Variants in DPP6 observed in about 807,000 individuals in gnomAD.
DPP6 encodes dipeptidyl peptidase like 6.
A neutral mutation model predicts 122.6 loss-of-function variants in DPP6; 69 were observed. That is an observed-to-expected ratio of 0.56 (90% CI 0.46 to 0.69). DPP6 has a LOEUF of 0.69. Ranked by LOEUF, DPP6 falls within the 30% of genes least tolerant of loss-of-function variation. The pLI, the probability that DPP6 is intolerant of heterozygous loss-of-function variation, is 0.00. For synonymous variants in DPP6, 418 were observed against 433.1 expected (o/e 0.97, Z 0.43); for missense variants, 928 against 1,116.9 (o/e 0.83, Z 2.41).
chr7:154,870,676 G>A (rs1804305896), intron 18 of DPP6, among the ~76,000 whole-genome samples: 2 of 151,834 alleles, frequency 1.3e-5, no homozygotes, highest in Admixed American at 6.6e-5. Flanking sequence ...AGAAATGTGT[G>A]TATTGGCCAG....
intron 3 of DPP6, among the ~76,000 whole-genome samples, chr7:154,511,168 G>T (rs1329382321): frequency 1.3e-5 from 2 of 152,184 alleles, no homozygotes; most frequent in Non-Finnish European, 2.9e-5. Flanking sequence ...TGCTCAGGGA[G>T]ATTCACCTCA....
At chr7:154,249,015 C>A (rs1802177958) in intron 1 of DPP6, among the ~76,000 whole-genome samples, 1 of 152,128 alleles carries the variant, frequency 6.6e-6, no homozygotes, top group African/African-American at 2.4e-5. Context: ...ACTGGGTTAC[C>A]CAGATCCTAG....
intron 7 of DPP6, among the ~76,000 whole-genome samples, chr7:154,699,962 C>T (rs570931782): frequency 1.3e-5 from 2 of 152,164 alleles, no homozygotes; most frequent in South Asian, 2.1e-4. Context: ...AAAAGGGTGT[C>T]CTCTTGGGCC....
intron 1 of DPP6, among the ~76,000 whole-genome samples, chr7:154,224,997 C>T (rs1800511276): frequency 6.6e-6 from 1 of 152,028 alleles, no homozygotes; most frequent in South Asian, 2.1e-4. Context: ...CAAAAATTAG[C>T]CAGGCATGGT....
chr7:154,717,634 T>G (rs978810815), intron 7 of DPP6, among the ~76,000 whole-genome samples: 1 of 152,238 alleles, frequency 6.6e-6, no homozygotes, highest in Non-Finnish European at 1.5e-5. Flanking sequence ...ATTTTCTACA[T>G]TCATTCATCC....
At chr7:153,968,789 G>C (rs918109140) in intron 1 of DPP6, 1 of 150,986 alleles carries the variant, frequency 6.6e-6, no homozygotes, top group Non-Finnish European at 1.5e-5. Flanking sequence ...AATAGCCATC[G>C]CTGTAGTATA....
chr7:154,399,381 A>T (rs1023629838), intron 1 of DPP6, among the ~76,000 whole-genome samples: 1 of 152,150 alleles, frequency 6.6e-6, no homozygotes, highest in Non-Finnish European at 1.5e-5. Flanking sequence ...TAATTTTTGT[A>T]TTTATATTGG....
intron 7 of DPP6, among the ~76,000 whole-genome samples, chr7:154,708,382 G>A (rs530498088): frequency 3.2e-4 from 48 of 152,260 alleles, no homozygotes; most frequent in African/African-American, 9.4e-4. Flanking sequence ...CTATGCTCCC[G>A]TCAGGTGAGC....
chr7:154,680,762 CAT>C (rs1839232120), intron 7 of DPP6, among the ~76,000 whole-genome samples: 1 of 151,782 alleles, frequency 6.6e-6, no homozygotes, highest in Admixed American at 6.6e-5. Flanking sequence ...ACTCAATAAA[CAT>C]GTGCTCAAGT....
upstream of DPP6, among the ~76,000 whole-genome samples, chr7:153,886,913 T>C (rs1247325989): frequency 6.6e-6 from 1 of 151,946 alleles, no homozygotes; most frequent in Non-Finnish European, 1.5e-5. Context: ...GGCGGCTCCA[T>C]CCGCGGCAAT....
intron 3 of DPP6, among the ~76,000 whole-genome samples, chr7:154,506,571 C>T (rs1825681431): frequency 2.0e-5 from 3 of 152,076 alleles, no homozygotes; most frequent in Admixed American, 1.3e-4. Context: ...TCTTGTTTGG[C>T]TTATTTAGTA....
rs544414856 is a variant in DPP6 at position 153,997,312 on chromosome 7, A to C, written c.51+109578A>C. Among the ~76,000 whole-genome samples, 6 of 152,292 alleles carry C rather than the reference A, an allele frequency of 3.9e-5. No homozygotes were observed. In the South Asian group the frequency reaches 1.2e-3, roughly 32 times the overall value. On this transcript the variant is annotated intron_variant, in intron 1 of 25. Transcript: ENST00000404039. Reference sequence around the variant, plus strand: ...TTCTGGGTGAAGCTCAGAAGAGCTCAAACTTTTCTGAGCCAAGGTCAAGCT... The same window carrying C: ...TTCTGGGTGAAGCTCAGAAGAGCTCCAACTTTTCTGAGCCAAGGTCAAGCT...
chr7:154,591,923 G>A (rs773772645), intron 5 of DPP6, among the ~76,000 whole-genome samples: 1 of 152,270 alleles, frequency 6.6e-6, no homozygotes, highest in Non-Finnish European at 1.5e-5. Flanking sequence ...GGACATGGGT[G>A]CCCTGCCTCC....
At chr7:154,836,879 G>A (rs1209770867) in intron 16 of DPP6, among the ~76,000 whole-genome samples, 1 of 152,050 alleles carries the variant, frequency 6.6e-6, no homozygotes. Context: ...GCTAATTTTT[G>A]TATTTTTAGT....
intron 6 of DPP6, among the ~76,000 whole-genome samples, chr7:154,647,840 T>C (rs1836590969): frequency 1.3e-5 from 2 of 152,304 alleles, no homozygotes; most frequent in South Asian, 4.1e-4. Flanking sequence ...GTTGACATCC[T>C]GGAGGGTGGC....
chr7:153,838,315 A>AAG, the DPP6 span, among the ~76,000 whole-genome samples: 5 of 152,176 alleles, frequency 3.3e-5, no homozygotes, highest in East Asian at 7.8e-4. Context: ...AATTCTGCCA[A>AAG]AGAGAGACAA....
intron 6 of DPP6, among the ~76,000 whole-genome samples, chr7:154,641,144 G>C (rs1260978805): frequency 6.6e-6 from 1 of 152,144 alleles, no homozygotes; most frequent in Non-Finnish European, 1.5e-5. Flanking sequence ...TCCGATGGCT[G>C]TGACCTCTAT....
At chr7:154,526,341 C>T (rs1450267857) in intron 3 of DPP6, among the ~76,000 whole-genome samples, 2 of 152,096 alleles carry the variant, frequency 1.3e-5, no homozygotes, top group African/African-American at 2.4e-5. Context: ...GGTGATTTTT[C>T]CAGGTGAAAG....
intron 2 of DPP6, among the ~76,000 whole-genome samples, chr7:154,460,593 TTAAG>T (rs1301341578): frequency 1.3e-5 from 2 of 152,232 alleles, no homozygotes; most frequent in African/African-American, 4.8e-5. Flanking sequence ...TCTCTTCCCT[TTAAG>T]TAATATTTGC....
Sources: gnomAD v4.1 joint callset for allele counts (sites outside exome capture counted in the v4.1 genomes callset) on GRCh38, gnomAD v4.1.1 for gene constraint, MANE v1.5 for transcripts, NCBI Gene and HGNC (gene_info 2026-07-23, HGNC 2026-07-21) for gene names.